Variants in PATJ observed in about 807,000 individuals in gnomAD.
PATJ encodes inaD-like protein.
Under a neutral mutation model 224.9 loss-of-function variants are expected in PATJ, and 190 were observed. The ratio of observed to expected loss-of-function variants is 0.84; its 90% confidence interval spans 0.75 to 0.95. The LOEUF is 0.95. Among genes scored for constraint, PATJ ranks in the 40% least tolerant of loss-of-function variants. The pLI is 0.00. For missense variants in PATJ, 2,121 were observed against 2,270.3 expected (o/e 0.93, Z 1.34); for synonymous variants, 769 against 820.3 (o/e 0.94, Z 1.07).
Position 61,771,435 on chromosome 1 carries a change from C to A in PATJ, c.529C>A (p.Gln177Lys). 3 of 1,578,248 alleles carry A rather than the reference C, an allele frequency of 1.9e-6. No homozygotes were observed. The highest frequency in any genetic ancestry group is 2.6e-6 in the Non-Finnish European group (3 of 1,164,794). ...TTCTTTTCTTACATGATTAAGGGAT[C>A]AAAGATTAAAGGAAAATGATCAAAT... ...VQPGSVADRD[Q>K]RLKENDQILA... The change falls in exon 6 of 44, where the codon CAA (glutamine) becomes AAA (lysine). Residue 177 changes from glutamine (Q) to lysine (K), a missense_variant. Physicochemically the swap from Gln to Lys is moderately conservative, Grantham distance 53. Transcript: ENST00000642238.
chr1:62,117,225 G>C lies in PATJ; in HGVS notation c.4890+7G>C, dbSNP rs77835195. 3 of 1,613,788 alleles carry C rather than the reference G, an allele frequency of 1.9e-6. No individual in the cohort carries two copies. The highest frequency in any genetic ancestry group is 2.7e-5 in the African/African-American group (2 of 74,916). On this transcript the variant is annotated splice_region_variant and intron_variant, in intron 37 of 43. Transcript: ENST00000642238. ...GACATCACAGAACAGTCAGGTTGTC[G>C]ATGGCTTCTCATCAGACTGACTCAC...
intron 28 of PATJ, among the ~76,000 whole-genome samples, chr1:61,995,163 G>A (rs553470176): frequency 2.6e-5 from 4 of 152,162 alleles, no homozygotes; most frequent in Non-Finnish European, 4.4e-5. Flanking sequence ...GCATTATATG[G>A]GAAGCATTTG....
chr1:61,894,058 C>T (rs994098775), intron 22 of PATJ, among the ~76,000 whole-genome samples: 1 of 151,694 alleles, frequency 6.6e-6, no homozygotes, highest in African/African-American at 2.4e-5. Flanking sequence ...AGTTCAAGAC[C>T]AGCCTGGCCA....
intron 33 of PATJ, among the ~76,000 whole-genome samples, chr1:62,106,154 G>GTATATATATA (rs1357638316): frequency 1.2e-3 from 60 of 48,434 alleles, no homozygotes; most frequent in African/African-American, 4.0e-3. Flanking sequence ...ATGTGTGTGT[G>GTATATATATA]TGTGTATATA....
At chr1:61,780,475 A>C (rs1647188423) in intron 7 of PATJ, among the ~76,000 whole-genome samples, 1 of 152,116 alleles carries the variant, frequency 6.6e-6, no homozygotes, top group Non-Finnish European at 1.5e-5. Context: ...AAAACAAACA[A>C]ACAAACAAAA....
At chr1:61,825,153 A>G (rs1387314539) in intron 15 of PATJ, among the ~76,000 whole-genome samples, 1 of 152,214 alleles carries the variant, frequency 6.6e-6, no homozygotes, top group Non-Finnish European at 1.5e-5. Context: ...AATACCATCC[A>G]TGTAAATTAT....
chr1:61,959,434 CTTTTCTTTT>C (rs1680936226), intron 27 of PATJ, among the ~76,000 whole-genome samples: 1 of 115,976 alleles, frequency 8.6e-6, no homozygotes, highest in Admixed American at 8.5e-5. Flanking sequence ...TATTTTTTTT[CTTTTCTTTT>C]TTTTTTTTTT....
chr1:62,118,399 G>A lies in PATJ; in HGVS notation c.4890+1181G>A, dbSNP rs904542495. On this transcript the variant is annotated intron_variant, in intron 37 of 43. Transcript: ENST00000642238. ...CATTAAAGCCTTATTGTATACAGAA[G>A]ATTAGAATGAAGCTACACAGAGGAG... 9.6e-4 allele frequency among the ~76,000 whole-genome samples: 146 copies of A among 152,198 alleles called. 1 individual carries two copies. The highest frequency in any genetic ancestry group is 2.8e-4 in the Non-Finnish European group (19 of 68,016).
chr1:61,760,175 G>A (rs1411062176), intron 1 of PATJ, among the ~76,000 whole-genome samples: 1 of 152,154 alleles, frequency 6.6e-6, no homozygotes, highest in African/African-American at 2.4e-5. Flanking sequence ...GAGATGCTGA[G>A]CACATCAGAA....
intron 21 of PATJ, among the ~76,000 whole-genome samples, chr1:61,882,711 G>A (rs962902560): frequency 6.6e-5 from 10 of 152,040 alleles, no homozygotes; most frequent in Non-Finnish European, 1.5e-4. Context: ...TCAGCCTTCC[G>A]AGTAGTTGAG....
intron 22 of PATJ, among the ~76,000 whole-genome samples, chr1:61,884,611 C>T (rs774094608): frequency 3.9e-4 from 59 of 152,024 alleles, no homozygotes; most frequent in Admixed American, 1.0e-3. Flanking sequence ...TTGTATCTTG[C>T]AGTGGTGCAC....
chr1:61,919,283 A>G (rs1673924180), intron 26 of PATJ, among the ~76,000 whole-genome samples: 1 of 151,780 alleles, frequency 6.6e-6, no homozygotes, highest in Non-Finnish European at 1.5e-5. Context: ...TGTCTAAAAT[A>G]ATCATTTAAG....
At chr1:62,079,141 G>A (rs3934216) in intron 31 of PATJ, among the ~76,000 whole-genome samples, 9,124 of 152,122 alleles carry the variant, frequency 0.06, 667 homozygotes, top group African/African-American at 0.18. Context: ...GAAATTGCAA[G>A]ATAATTTTTG....
chr1:61,744,284 CAAAAAA>C (rs35247131), intron 1 of PATJ, among the ~76,000 whole-genome samples: 4 of 69,666 alleles, frequency 5.7e-5, no homozygotes. Context: ...AACCCTGTCT[CAAAAAA>C]AAAAAAAAAA....
At chr1:62,124,553 C>T (rs1215538925) in intron 39 of PATJ, among the ~76,000 whole-genome samples, 1 of 152,130 alleles carries the variant, frequency 6.6e-6, no homozygotes, top group Non-Finnish European at 1.5e-5. Context: ...TTATTAGCTG[C>T]ATTAGTTTGC....
chr1:62,062,410 T>C (rs1570399056), intron 31 of PATJ, among the ~76,000 whole-genome samples: 1 of 141,704 alleles, frequency 7.1e-6, no homozygotes, highest in Non-Finnish European at 1.5e-5. Context: ...TTTTTTTTTT[T>C]TTTTTTTTTC....
intron 6 of PATJ, among the ~76,000 whole-genome samples, chr1:61,773,064 C>G (rs762844874): frequency 3.3e-5 from 5 of 152,130 alleles, no homozygotes; most frequent in Non-Finnish European, 5.9e-5. Context: ...CTTTGTCACC[C>G]AAGCTGGACT....
chr1:61,957,277 G>A (rs1221250452), intron 27 of PATJ, among the ~76,000 whole-genome samples: 2 of 152,080 alleles, frequency 1.3e-5, no homozygotes, highest in Admixed American at 6.6e-5. Context: ...CCATCTACAC[G>A]TATTACTTAG....
At chr1:61,761,113 G>C (rs1002796344) in intron 1 of PATJ, among the ~76,000 whole-genome samples, 2 of 151,952 alleles carry the variant, frequency 1.3e-5, no homozygotes, top group Non-Finnish European at 2.9e-5. Context: ...AGTGTAGCTG[G>C]GATTACAGGT....
Sources: allele counts gnomAD v4.1 joint callset (sites outside exome capture counted in the v4.1 genomes callset), GRCh38; gene constraint gnomAD v4.1.1; transcripts MANE v1.5; gene names NCBI Gene and HGNC (gene_info 2026-07-23, HGNC 2026-07-21).